SLC26A4: variants seen among roughly 807,000 people sequenced by gnomAD.
SLC26A4 encodes solute carrier family 26 member 4.
A neutral mutation model predicts 90.4 loss-of-function variants in SLC26A4; 93 were observed. The ratio of observed to expected loss-of-function variants is 1.03; its 90% confidence interval spans 0.87 to 1.22. SLC26A4 has a LOEUF of 1.22. SLC26A4 is among the 50% of genes most tolerant of loss of function. The pLI is 0.00. For synonymous variants in SLC26A4, 393 were observed against 354.6 expected (o/e 1.11, Z -1.22); for missense variants, 1,127 against 946.2 (o/e 1.19, Z -2.51).
intron 6 of SLC26A4, among the ~76,000 whole-genome samples, 196 bp downstream of exon 6, chr7:107,675,305 AAG>A (rs1491138360): frequency 6.7e-6 from 1 of 148,346 alleles, no homozygotes; most frequent in African/African-American, 2.5e-5. Flanking sequence ...AAAAAAAAAA[AAG>A]AAAGAAAGAA....
chr7:107,679,912 C>A lies in SLC26A4; in HGVS notation c.766-3290C>A, dbSNP rs1562826878. ...ATCTTATATAATCTTATATTATATG[C>A]TCTTATATAATATAATCTTATTATA... On this transcript the variant is annotated intron_variant, in intron 6 of 20. Coordinates refer to ENST00000644269, the MANE Select transcript of SLC26A4 (RefSeq NM_000441.2). Among the ~76,000 whole-genome samples, 51 of 110,506 alleles carry A rather than the reference C, an allele frequency of 4.6e-4. 4 individuals carry two copies. Among genetic ancestry groups the A allele is most frequent in the African/African-American group, 1.7e-3 (46 of 26,614 alleles). 72.5% of individuals were successfully genotyped at this position (110,506 alleles called of 152,430 possible). A position where few individuals can be genotyped will look rare whatever the true frequency, so the allele number is the denominator to read the frequency against.
At chr7:107,687,522 A>G (rs1038478114) in intron 8 of SLC26A4, among the ~76,000 whole-genome samples, 1 of 152,210 alleles carries the variant, frequency 6.6e-6, no homozygotes, top group Non-Finnish European at 1.5e-5. Context: ...AGAAGAATAT[A>G]TAGTCCCCAT....
chr7:107,686,441 C>CTTTTCTTTCTTTCTT (rs1554357988), intron 8 of SLC26A4, among the ~76,000 whole-genome samples: 15 of 116,804 alleles, frequency 1.3e-4, no homozygotes, highest in African/African-American at 4.8e-4. Context: ...TTCTTTCTTT[C>CTTTTCTTTCTTTCTT]TTTCTTTCTT....
intron 2 of SLC26A4, among the ~76,000 whole-genome samples, chr7:107,662,800 C>A (rs1790597274): frequency 6.6e-6 from 1 of 152,164 alleles, no homozygotes; most frequent in African/African-American, 2.4e-5. Context: ...CTGTAGGTCA[C>A]TGAATTTAAA....
chr7:107,702,140 C>A (rs1791912042), intron 17 of SLC26A4, 83 bp downstream of exon 17: 2 of 853,466 alleles, frequency 2.3e-6, no homozygotes, highest in African/African-American at 1.7e-5. Context: ...TGCAACAGGG[C>A]AAATACATGG....
chr7:107,679,481 T>C (rs1791118012), intron 6 of SLC26A4, among the ~76,000 whole-genome samples: 1 of 152,186 alleles, frequency 6.6e-6, no homozygotes, highest in South Asian at 2.1e-4. Flanking sequence ...AATAGTAAAC[T>C]GATCAATTTT....
At chr7:107,670,488 A>G (rs1790835626) in intron 3 of SLC26A4, among the ~76,000 whole-genome samples, 1 of 151,996 alleles carries the variant, frequency 6.6e-6, no homozygotes, top group African/African-American at 2.4e-5. Context: ...ATACATACCT[A>G]TCAGTTTTGA....
At chr7:107,686,405 T>TTTTCTTTCTTTCTTTCTTTCTTTC (rs774114215) in intron 8 of SLC26A4, among the ~76,000 whole-genome samples, 55 of 82,574 alleles carry the variant, frequency 6.7e-4, no homozygotes, top group South Asian at 2.9e-3. Flanking sequence ...TCTCTCTCTT[T>TTTTCTTTCTTTCTTTCTTTCTTTC]TTTCTTTCTT....
rs1790544107 is a variant in SLC26A4 at position 107,661,369 on chromosome 7, G to A, written c.-3-270G>A. The A allele has an allele frequency of 1.7e-6, 1 of 571,948 alleles. No homozygotes were observed. Among genetic ancestry groups the A allele is most frequent in the Non-Finnish European group, 3.1e-6 (1 of 318,692 alleles). The allele number at this position is 571,948 out of a possible 1,614,324, so 35.4% of individuals were successfully genotyped here. On this transcript the variant is annotated intron_variant, in intron 1 of 20. Coordinates refer to ENST00000644269, the MANE Select transcript of SLC26A4 (RefSeq NM_000441.2). This position sits in a 1 kb window ranked among gnomAD's most constrained non-coding sequence, Gnocchi z 5.1. The stretch of plus-strand genomic sequence containing the variant: ...AACTCGGGAAGCCCCCAGAGCAGGG[G>A]CTTACTCGCTTCAAGTTTGGGGAAC...
At chr7:107,664,864 G>C (rs1241835290) in intron 3 of SLC26A4, among the ~76,000 whole-genome samples, 1 of 152,026 alleles carries the variant, frequency 6.6e-6, no homozygotes, top group Non-Finnish European at 1.5e-5. Context: ...CAAAGACCCT[G>C]AATCATGAAA....
Position 107,694,691 on chromosome 7 carries a change from T to A in SLC26A4, c.1412T>A (p.Leu471Gln). 1 of 1,613,018 alleles carries A rather than the reference T, an allele frequency of 6.2e-7. No individual in the cohort carries two copies. The highest frequency in any genetic ancestry group is 1.3e-5 in the African/African-American group (1 of 75,034). Residue 471 changes from leucine to glutamine, a missense_variant, in exon 12 of 21, where the codon CTG becomes CAG. Coordinates refer to ENST00000644269, the MANE Select transcript of SLC26A4 (RefSeq NM_000441.2). ...ATGCAGCTGTGTGACATTCCTCGTC[T>A]GTGGAGACAGAATAAGATTGATGCT... ...MFMQLCDIPRLWRQNKIDAVI... is the reference protein window; with the variant it reads ...MFMQLCDIPRQWRQNKIDAVI...
intron 6 of SLC26A4, among the ~76,000 whole-genome samples, chr7:107,677,054 G>T (rs1184512870): frequency 2.6e-5 from 4 of 152,270 alleles, no homozygotes; most frequent in African/African-American, 9.6e-5. Flanking sequence ...GCACGCACCT[G>T]TAGTCCCAGC....
chr7:107,691,345 T>C (rs1208146004), intron 10 of SLC26A4, among the ~76,000 whole-genome samples: 2 of 151,768 alleles, frequency 1.3e-5, no homozygotes, highest in Non-Finnish European at 2.9e-5. Flanking sequence ...CTACTAAAAA[T>C]GCAAAAATTA....
chr7:107,695,200 T>A (rs989185577), intron 12 of SLC26A4, among the ~76,000 whole-genome samples: 1 of 152,108 alleles, frequency 6.6e-6, no homozygotes, highest in Non-Finnish European at 1.5e-5. Context: ...TCCTACATAT[T>A]GATATGGAAA....
intron 6 of SLC26A4, among the ~76,000 whole-genome samples, chr7:107,680,822 T>G (rs1791211490): frequency 1.3e-5 from 2 of 152,188 alleles, no homozygotes; most frequent in African/African-American, 4.8e-5. Flanking sequence ...ATTGGGATAA[T>G]GATTCCAAAT....
At chr7:107,692,179 T>C in intron 10 of SLC26A4, 6 of 865,540 alleles carry the variant, frequency 6.9e-6, no homozygotes, top group Non-Finnish European at 9.1e-6. Context: ...ATGTATTATA[T>C]TTAGGAATGA....
chr7:107,702,030 C>T lies in SLC26A4; in HGVS notation c.2007C>T (p.Asp669=), dbSNP rs749013429. 1.1e-5 allele frequency: 17 copies of T among 1,613,246 alleles called. No homozygotes were observed. Among genetic ancestry groups the T allele is most frequent in the South Asian group, 6.6e-5 (6 of 91,068 alleles). Reference sequence around the variant, plus strand: ...ACTGTGGAGCTATATCTTTCCTGGACGTTGTTGGAGTGAGATCACTGCGGG... The same window carrying T: ...ACTGTGGAGCTATATCTTTCCTGGATGTTGTTGGAGTGAGATCACTGCGGG... The part of the protein sequence containing the change: ...VLDCGAISFL[D]VVGVRSLRVI... Residue 669 remains aspartate (D), a synonymous_variant, in exon 17 of 21, where the codon GAC becomes GAT. Coordinates refer to ENST00000644269, the MANE Select transcript of SLC26A4 (RefSeq NM_000441.2).
chr7:107,683,422 A>G (rs1244252333), intron 7 of SLC26A4, 33 bp from the exon 8 acceptor site: 7 of 1,609,710 alleles, frequency 4.3e-6, no homozygotes, highest in South Asian at 1.1e-5. Context: ...ATTAAAACCA[A>G]TGGAGTTTTT....
chr7:107,667,172 A>G (rs1790738183), intron 3 of SLC26A4, among the ~76,000 whole-genome samples: 1 of 152,126 alleles, frequency 6.6e-6, no homozygotes, highest in Non-Finnish European at 1.5e-5. Flanking sequence ...CTAAGTGGAG[A>G]TGCCACCTAG....
Sources: gnomAD v4.1 joint callset for allele counts (sites outside exome capture counted in the v4.1 genomes callset) on GRCh38, gnomAD v4.1.1 for gene constraint, Gnocchi (gnomAD v3.1) non-coding constraint, MANE v1.5 for transcripts, NCBI Gene and HGNC (gene_info 2026-07-23, HGNC 2026-07-21) for gene names.